The following DLG2 variants were observed in gnomAD, a reference collection of about 807,000 sequenced individuals.
DLG2 encodes the protein discs large MAGUK scaffold protein 2, also known as disks large homolog 2.
Under a neutral mutation model 132.5 loss-of-function variants are expected in DLG2, and 45 were observed. The observed-to-expected ratio is 0.34, with a 90% CI of 0.27 to 0.44. DLG2 has a LOEUF of 0.44. Ranked by LOEUF, DLG2 falls within the 20% of genes least tolerant of loss-of-function variation. The pLI is 1.00. For synonymous variants in DLG2, 424 were observed against 419.6 expected (o/e 1.01, Z -0.13); for missense variants, 1,045 against 1,196.9 (o/e 0.87, Z 1.87).
At chr11:84,870,248 G>A (rs528487780) in intron 6 of DLG2, among the ~76,000 whole-genome samples, 4 of 152,114 alleles carry the variant, frequency 2.6e-5, no homozygotes, top group South Asian at 2.1e-4. Flanking sequence ...ATCCAGCCCC[G>A]GGAAGAGCGA....
intron 15 of DLG2, among the ~76,000 whole-genome samples, chr11:83,914,090 CTTTCT>C (rs944646522): frequency 6.6e-6 from 1 of 152,040 alleles, no homozygotes; most frequent in African/African-American, 2.4e-5. Flanking sequence ...GATATTTGTC[CTTTCT>C]GAGACTCATG....
intron 6 of DLG2, among the ~76,000 whole-genome samples, chr11:84,830,370 G>GTTTT (rs1367498436): frequency 7.0e-6 from 1 of 141,972 alleles, no homozygotes. Flanking sequence ...CGTCATCTAC[G>GTTTT]TTTTTTTTTT....
chr11:84,835,063 T>G (rs530656830), intron 6 of DLG2, among the ~76,000 whole-genome samples: 2 of 151,788 alleles, frequency 1.3e-5, no homozygotes, highest in African/African-American at 4.8e-5. Flanking sequence ...CTAAAGTTAT[T>G]AGAGTTTGGA....
chr11:85,401,420 A>C (rs117080230), intron 3 of DLG2, among the ~76,000 whole-genome samples: 11,988 of 152,172 alleles, frequency 0.079, 800 homozygotes, highest in Non-Finnish European at 0.11. Flanking sequence ...TCCACTTGAA[A>C]ACCAGCACAA....
intron 5 of DLG2, among the ~76,000 whole-genome samples, chr11:85,125,528 A>C (rs1457272788): frequency 6.6e-6 from 1 of 152,178 alleles, no homozygotes; most frequent in Non-Finnish European, 1.5e-5. Context: ...GCTTTTATTT[A>C]ATTAGATATT....
intron 6 of DLG2, among the ~76,000 whole-genome samples, chr11:84,902,757 G>A (rs868788314): frequency 1.3e-5 from 2 of 152,064 alleles, no homozygotes; most frequent in African/African-American, 4.8e-5. Flanking sequence ...TACTCAACAC[G>A]TGCAAACTGT....
In DLG2 at chr11:84,506,464, T is replaced by G. The variant is rs184710246; in HGVS notation, c.519+28106A>C. On this transcript the variant is annotated intron_variant, in intron 7 of 27. Transcript: ENST00000376104. ...AGGATGCTATGCTTCGGAGAGAAAT[T>G]TAAAGATGCTATGCTTCTGGTTTTA... Among the ~76,000 whole-genome samples the G allele has an allele frequency of 2.9e-3, 439 of 152,102 alleles. 3 individuals carry two copies. The highest frequency in any genetic ancestry group is 9.9e-3 in the African/African-American group (410 of 41,504).
chr11:84,371,415 C>T (rs565644537), intron 7 of DLG2, among the ~76,000 whole-genome samples: 43 of 152,028 alleles, frequency 2.8e-4, no homozygotes, highest in African/African-American at 9.9e-4. Context: ...ACCACCAAGC[C>T]TGGCTAATTT....
intron 6 of DLG2, among the ~76,000 whole-genome samples, chr11:84,671,121 G>C (rs2099705444): frequency 6.7e-6 from 1 of 148,708 alleles, no homozygotes; most frequent in East Asian, 2.0e-4. Context: ...TTGAGACAAA[G>C]TCTCACTCTG....
intron 6 of DLG2, among the ~76,000 whole-genome samples, chr11:84,668,919 G>C (rs1433596842): frequency 2.6e-5 from 4 of 152,068 alleles, no homozygotes; most frequent in Non-Finnish European, 5.9e-5. Flanking sequence ...AATGTGCCAG[G>C]CACTGTTCTA....
At chr11:84,646,132 T>C (rs890847207) in intron 6 of DLG2, among the ~76,000 whole-genome samples, 2 of 152,072 alleles carry the variant, frequency 1.3e-5, no homozygotes, top group Admixed American at 1.3e-4. Context: ...AAGGTGGGGG[T>C]GCGGCTGTAT....
At chr11:84,222,499 C>T (rs1225746864) in intron 8 of DLG2, among the ~76,000 whole-genome samples, 2 of 152,200 alleles carry the variant, frequency 1.3e-5, no homozygotes, top group South Asian at 2.1e-4. Flanking sequence ...TATAAAATGT[C>T]GATTTTCTCT....
intron 6 of DLG2, among the ~76,000 whole-genome samples, chr11:84,937,657 G>A (rs982194706): frequency 5.3e-5 from 8 of 152,074 alleles, no homozygotes; most frequent in Non-Finnish European, 1.2e-4. Context: ...AAAAGTGAGA[G>A]GTAAATGGAT....
intron 3 of DLG2, among the ~76,000 whole-genome samples, chr11:85,506,499 G>A (rs2093937072): frequency 1.3e-5 from 2 of 152,160 alleles, no homozygotes; most frequent in African/African-American, 4.8e-5. Flanking sequence ...GGAGCAAGTT[G>A]TTCAGTTTCT....
intron 6 of DLG2, chr11:85,021,107 C>G: frequency 1.3e-6 from 1 of 782,092 alleles, no homozygotes; most frequent in Non-Finnish European, 2.4e-6. Context: ...TCTTAATTGC[C>G]TGAAGAGTCA....
intron 3 of DLG2, among the ~76,000 whole-genome samples, chr11:85,292,330 A>G (rs937031907): frequency 3.3e-5 from 5 of 152,028 alleles, no homozygotes; most frequent in Non-Finnish European, 5.9e-5. Context: ...ATTACCTGGA[A>G]CTAGAGGAAT....
At chr11:84,767,652 G>C (rs1215439880) in intron 6 of DLG2, among the ~76,000 whole-genome samples, 1 of 151,864 alleles carries the variant, frequency 6.6e-6, no homozygotes, top group Non-Finnish European at 1.5e-5. Flanking sequence ...CTATGTGATA[G>C]GATGATTGAT....
At chr11:84,343,244 C>A (rs2098523852) in intron 7 of DLG2, among the ~76,000 whole-genome samples, 1 of 152,144 alleles carries the variant, frequency 6.6e-6, no homozygotes, top group South Asian at 2.1e-4. Context: ...ATGCTTATCA[C>A]ACTGAATTCT....
intron 6 of DLG2, among the ~76,000 whole-genome samples, chr11:84,995,171 A>C (rs113862724): frequency 4.7e-4 from 71 of 152,302 alleles, no homozygotes; most frequent in African/African-American, 1.7e-3. Flanking sequence ...CTTCTTTTAT[A>C]AATAGAGTAA....
Sources: allele counts gnomAD v4.1 joint callset (sites outside exome capture counted in the v4.1 genomes callset), GRCh38; gene constraint gnomAD v4.1.1; transcripts MANE v1.5; gene names NCBI Gene and HGNC (gene_info 2026-07-23, HGNC 2026-07-21).